ATP2C1: variants seen among roughly 807,000 people sequenced by gnomAD.
The protein encoded by ATP2C1 is ATPase secretory pathway Ca2+ transporting 1.
A neutral mutation model predicts 120.5 loss-of-function variants in ATP2C1; 31 were observed. That is an observed-to-expected ratio of 0.26 (90% confidence interval 0.19 to 0.35). The LOEUF (loss-of-function observed/expected upper bound fraction) is 0.35. Ranked by LOEUF, ATP2C1 falls within the 10% of genes least tolerant of loss-of-function variation. The pLI is 1.00. For missense variants in ATP2C1, 731 were observed against 1,107.5 expected (o/e 0.66, Z 4.83); for synonymous variants, 351 against 358.7 (o/e 0.98, Z 0.24).
chr3:130,929,609 A>G (rs1325060671), intron 2 of ATP2C1, among the ~76,000 whole-genome samples: 2 of 152,188 alleles, frequency 1.3e-5, no homozygotes, highest in Non-Finnish European at 2.9e-5. Context: ...CTTAAGTTTC[A>G]GTAGTGGGCA....
chr3:130,996,383 C>T, intron 23 of ATP2C1: 1 of 570,980 alleles, frequency 1.8e-6, no homozygotes, highest in East Asian at 3.0e-5. Context: ...CTCTTGGTAT[C>T]TTTTTCCAAA....
intron 2 of ATP2C1, among the ~76,000 whole-genome samples, chr3:130,926,437 G>A (rs2108303215): frequency 6.6e-6 from 1 of 152,334 alleles, no homozygotes; most frequent in African/African-American, 2.4e-5. Flanking sequence ...AAGCCTAGGT[G>A]ATACTAAAAC....
downstream of ATP2C1, among the ~76,000 whole-genome samples, chr3:131,005,251 G>T (rs1014267992): frequency 6.6e-6 from 1 of 151,708 alleles, no homozygotes; most frequent in East Asian, 1.9e-4. Context: ...GCGTATCTGG[G>T]ATTACAGGTG....
At chr3:130,922,826 C>T (rs1396133302) in intron 2 of ATP2C1, among the ~76,000 whole-genome samples, 1 of 152,222 alleles carries the variant, frequency 6.6e-6, no homozygotes, top group East Asian at 1.9e-4. Context: ...GAGGATACTT[C>T]ATATAATTTC....
chr3:130,997,375 A>T (rs1262540729), intron 24 of ATP2C1, among the ~76,000 whole-genome samples: 2 of 152,150 alleles, frequency 1.3e-5, no homozygotes, highest in African/African-American at 4.8e-5. Context: ...TGGTTTTTTG[A>T]AAGTTGATTA....
At chr3:130,884,930 C>CTT (rs35931105) in intron 1 of ATP2C1, among the ~76,000 whole-genome samples, 20,960 of 120,608 alleles carry the variant, frequency 0.17, 1,892 homozygotes, top group Non-Finnish European at 0.2. Context: ...TCTTTTCTTT[C>CTT]TTTTTTTTTT....
In ATP2C1 at chr3:130,864,591, G is replaced by T. The variant is rs1412850258; in HGVS notation, c.108+13663G>T. Among the ~76,000 whole-genome samples, 5 of 152,196 alleles carry T rather than the reference G, an allele frequency of 3.3e-5. No individual in the cohort carries two copies. In the East Asian group the frequency reaches 9.7e-4, roughly 29 times the overall value. ...TCCCATCACAGGCCTGGAGGCCTGT[G>T]GTTTCGTGGGCTGGGCCCAGGGTCC... On this transcript the variant is annotated intron_variant, in intron 1 of 26. Transcript: ENST00000504381.
intron 1 of ATP2C1, among the ~76,000 whole-genome samples, chr3:130,883,846 T>TA (rs1431577385): frequency 2.0e-5 from 3 of 152,142 alleles, no homozygotes; most frequent in African/African-American, 7.2e-5. Flanking sequence ...ATGTATCTGA[T>TA]ATGTTTTGGT....
chr3:130,966,142 CA>C lies in ATP2C1; in HGVS notation c.1123-1002del, dbSNP rs148751340. Among the ~76,000 whole-genome samples the C allele has an allele frequency of 8.2e-3, 1,249 of 152,178 alleles. 16 individuals are homozygous for C. The highest frequency in any genetic ancestry group is 0.029 in the African/African-American group (1,184 of 41,510). Reference sequence around the variant, plus strand: ...GAAAAATAAGCAGTAGGCAAATTGACAGAAGTTGTACTTGGGTTTATTTACG... The same window carrying C: ...GAAAAATAAGCAGTAGGCAAATTGACGAAGTTGTACTTGGGTTTATTTACG... On this transcript the variant is annotated intron_variant, in intron 14 of 27. Transcript: ENST00000510168.
upstream of ATP2C1, chr3:130,893,906 T>G: frequency 1.0e-6 from 1 of 984,562 alleles, no homozygotes; most frequent in Non-Finnish European, 1.2e-6. Flanking sequence ...CGGGCCGAAG[T>G]CTCGGCCTTC....
chr3:130,896,411 G>A (rs1358233881), intron 2 of ATP2C1, among the ~76,000 whole-genome samples: 1 of 152,120 alleles, frequency 6.6e-6, no homozygotes, highest in Non-Finnish European at 1.5e-5. Flanking sequence ...AAAAACGTGT[G>A]GGGTTTTCTG....
At chr3:131,006,165 G>A (rs892796369), downstream of ATP2C1, among the ~76,000 whole-genome samples, 1 of 152,172 alleles carries the variant, frequency 6.6e-6, no homozygotes, top group Non-Finnish European at 1.5e-5. Flanking sequence ...AGGCTGGAGT[G>A]CAGTGGTGCG....
At chr3:130,966,107 A>G (rs2061038123) in intron 14 of ATP2C1, among the ~76,000 whole-genome samples, 1 of 152,146 alleles carries the variant, frequency 6.6e-6, no homozygotes, top group Non-Finnish European at 1.5e-5. Flanking sequence ...ATTTATAGCT[A>G]ATTCATTGAG....
chr3:130,943,750 AC>A (rs1451558431), intron 8 of ATP2C1, among the ~76,000 whole-genome samples: 3 of 152,152 alleles, frequency 2.0e-5, no homozygotes, highest in African/African-American at 7.2e-5. Context: ...GTTACTTGCT[AC>A]CCCAAACAGA....
At chr3:131,007,020 G>T (rs1487075158), downstream of ATP2C1, among the ~76,000 whole-genome samples, 1 of 152,128 alleles carries the variant, frequency 6.6e-6, no homozygotes, top group Non-Finnish European at 1.5e-5. Context: ...ATATAAAATT[G>T]TGGGATTTTA....
exon 1 of ATP2C1, chr3:130,850,654 A>G (rs1013806158): frequency 2.3e-6 from 1 of 439,246 alleles, no homozygotes; most frequent in Admixed American, 4.3e-5. Context: ...TTCACCAGGA[A>G]CTCTACCCAA....
intron 1 of ATP2C1, among the ~76,000 whole-genome samples, chr3:130,852,054 A>G (rs2067692103): frequency 6.6e-6 from 1 of 152,194 alleles, no homozygotes; most frequent in African/African-American, 2.4e-5. Flanking sequence ...ATAATTTTAC[A>G]AGGGCCAGAA....
intron 8 of ATP2C1, among the ~76,000 whole-genome samples, chr3:130,953,157 GTTTT>G (rs535472509): frequency 4.8e-5 from 7 of 147,362 alleles, no homozygotes; most frequent in African/African-American, 1.7e-4. Flanking sequence ...TCATAAAATT[GTTTT>G]TTTTTTCTTT....
intron 8 of ATP2C1, among the ~76,000 whole-genome samples, chr3:130,946,848 A>G (rs955916059): frequency 2.6e-5 from 4 of 152,274 alleles, no homozygotes; most frequent in African/African-American, 9.6e-5. Flanking sequence ...ATTGTAATCC[A>G]TTTCTTAGGA....
Sources: gnomAD v4.1 joint callset for allele counts (sites outside exome capture counted in the v4.1 genomes callset) on GRCh38, gnomAD v4.1.1 for gene constraint, MANE v1.5 for transcripts, NCBI Gene and HGNC (gene_info 2026-07-23, HGNC 2026-07-21) for gene names.